ITPRID1: variants seen among roughly 807,000 people sequenced by gnomAD.
The protein encoded by ITPRID1 is ITPR interacting domain containing 1, also known as protein ITPRID1.
Under a neutral mutation model 95.4 loss-of-function variants are expected in ITPRID1, and 96 were observed. The ratio of observed to expected loss-of-function variants is 1.01; its 90% confidence interval spans 0.85 to 1.19. The LOEUF (loss-of-function observed/expected upper bound fraction) is 1.19. Ranked by LOEUF, ITPRID1 falls within the 50% of genes most tolerant of loss-of-function variation. The pLI, the probability that ITPRID1 is intolerant of heterozygous loss-of-function variation, is 0.00. For missense variants in ITPRID1, 1,339 were observed against 1,252.9 expected, an observed-to-expected ratio of 1.07 and a Z score of -1.04; for synonymous variants, 510 against 453.6, an observed-to-expected ratio of 1.12 and a Z score of -1.58.
intron 12 of ITPRID1, among the ~76,000 whole-genome samples, chr7:31,646,226 A>G (rs980793425): frequency 1.3e-5 from 2 of 152,202 alleles, no homozygotes; most frequent in African/African-American, 4.8e-5. Flanking sequence ...TTAATCCATC[A>G]GGCAAACCAC....
intron 5 of ITPRID1, among the ~76,000 whole-genome samples, chr7:31,568,571 T>G (rs920528318): frequency 1.4e-4 from 21 of 152,196 alleles, no homozygotes; most frequent in African/African-American, 5.1e-4. Context: ...CTGAGGAATT[T>G]GCCCATATTC....
intron 10 of ITPRID1, among the ~76,000 whole-genome samples, chr7:31,613,778 G>T (rs918098782): frequency 6.6e-6 from 1 of 152,098 alleles, no homozygotes; most frequent in Non-Finnish European, 1.5e-5. Flanking sequence ...TTGCAAGGTG[G>T]CTTCTCAGCA....
chr7:31,595,593 A>C (rs1161167567), intron 10 of ITPRID1, among the ~76,000 whole-genome samples: 1 of 152,196 alleles, frequency 6.6e-6, no homozygotes, highest in East Asian at 1.9e-4. Flanking sequence ...TTTTATGTAA[A>C]ATTGGAGAGT....
intron 5 of ITPRID1, among the ~76,000 whole-genome samples, chr7:31,558,731 G>GTCTGA (rs1784533551): frequency 6.6e-6 from 1 of 152,124 alleles, no homozygotes; most frequent in Non-Finnish European, 1.5e-5. Context: ...ATTCAAGTCT[G>GTCTGA]TCTGATTTCA....
In ITPRID1 at chr7:31,553,142, C is replaced by A; in HGVS notation, c.118C>A (p.Pro40Thr). The A allele has an allele frequency of 6.3e-7, 1 of 1,592,424 alleles. No homozygotes were observed. The highest frequency in any genetic ancestry group is 1.1e-5 in the South Asian group (1 of 87,630). Residue 40 changes from proline (P) to threonine (T), a missense_variant, in exon 3 of 15, where the codon CCT (proline) becomes ACT (threonine). Physicochemically the swap from Pro to Thr is conservative, Grantham distance 38. Coordinates refer to ENST00000615280, the MANE Select transcript of ITPRID1 (RefSeq NM_001257967.3). ...GGCTCCGCTGGATGAGTGGCTGCCC[C>A]CTGACCCTGAGGAGGAAAGCCAGAG... is the stretch of plus-strand genomic sequence containing the variant. ...AWAPLDEWLP[P>T]DPEEESQSLT...
At position 31,578,442 on chromosome 7, in the gene ITPRID1, C is replaced by A; in HGVS notation, c.1170+8C>A. The A allele has an allele frequency of 6.4e-7, 1 of 1,569,806 alleles. No homozygotes were observed. The highest frequency in any genetic ancestry group is 8.6e-7 in the Non-Finnish European group (1 of 1,157,572). On this transcript the variant is annotated splice_region_variant and intron_variant, in intron 9 of 14. Coordinates refer to ENST00000615280, the MANE Select transcript of ITPRID1 (RefSeq NM_001257967.3). Reference sequence around the variant, plus strand: ...TCATTTGAAATGGAAGAGGTCAGTGCTGCACCAACGTACCAGCCTCCTAAG... The same window carrying A: ...TCATTTGAAATGGAAGAGGTCAGTGATGCACCAACGTACCAGCCTCCTAAG...
chr7:31,602,558 A>G (rs893085103), intron 10 of ITPRID1, among the ~76,000 whole-genome samples: 9 of 152,206 alleles, frequency 5.9e-5, no homozygotes, highest in African/African-American at 2.2e-4. Context: ...ATTAGTTCCC[A>G]GTAGGACACC....
At chr7:31,556,934 A>C (rs563052817) in intron 5 of ITPRID1, among the ~76,000 whole-genome samples, 1 of 152,112 alleles carries the variant, frequency 6.6e-6, no homozygotes, top group East Asian at 2.0e-4. Context: ...TGAAGGTTCT[A>C]GGGAAGAATC....
chr7:31,610,889 A>T (rs1171400963), intron 10 of ITPRID1, among the ~76,000 whole-genome samples: 7 of 151,378 alleles, frequency 4.6e-5, no homozygotes, highest in African/African-American at 1.5e-4. Context: ...ATGTAGTTAG[A>T]TTATGTTTTA....
At chr7:31,607,192 C>T (rs1278980668) in intron 10 of ITPRID1, among the ~76,000 whole-genome samples, 2 of 152,078 alleles carry the variant, frequency 1.3e-5, no homozygotes, top group Non-Finnish European at 2.9e-5. Context: ...ACCTGCAAGA[C>T]GGTTGTTCTT....
intron 10 of ITPRID1, among the ~76,000 whole-genome samples, chr7:31,603,856 A>G (rs1240080076): frequency 1.3e-5 from 2 of 151,904 alleles, no homozygotes; most frequent in African/African-American, 4.8e-5. Flanking sequence ...CCTTTTTCAT[A>G]TGTCAAAAGT....
At chr7:31,612,968 A>AACAT (rs1320631033) in intron 10 of ITPRID1, among the ~76,000 whole-genome samples, 1 of 152,176 alleles carries the variant, frequency 6.6e-6, no homozygotes, top group Non-Finnish European at 1.5e-5. Flanking sequence ...CATTGTTTTA[A>AACAT]ACATACACCC....
chr7:31,534,015 G>T (rs765492396), intron 1 of ITPRID1, among the ~76,000 whole-genome samples: 5 of 152,126 alleles, frequency 3.3e-5, no homozygotes, highest in Non-Finnish European at 7.4e-5. Flanking sequence ...ATCAGCCATG[G>T]TATTAGATCC....
At chr7:31,547,367 G>A (rs1054652434) in intron 1 of ITPRID1, among the ~76,000 whole-genome samples, 2 of 152,208 alleles carry the variant, frequency 1.3e-5, no homozygotes, top group Admixed American at 6.5e-5. Flanking sequence ...CAGGGCTGGG[G>A]AGGCCTCAGG....
chr7:31,641,221 A>G (rs1381133395), intron 10 of ITPRID1, among the ~76,000 whole-genome samples: 5 of 152,206 alleles, frequency 3.3e-5, no homozygotes, highest in African/African-American at 1.2e-4. Context: ...ACTCTTCGTC[A>G]GCAGTTGTTC....
At chr7:31,616,924 G>T (rs1416657565) in intron 10 of ITPRID1, among the ~76,000 whole-genome samples, 4 of 152,044 alleles carry the variant, frequency 2.6e-5, no homozygotes, top group African/African-American at 9.7e-5. Flanking sequence ...TGTGGGAATG[G>T]TATGGTTGTC....
chr7:31,546,397 TTGTGTG>T (rs141172213), intron 1 of ITPRID1, among the ~76,000 whole-genome samples: 2 of 148,890 alleles, frequency 1.3e-5, no homozygotes, highest in African/African-American at 2.5e-5. Flanking sequence ...CAGAGAAATA[TTGTGTG>T]TGTGTGTGTG....
chr7:31,638,175 T>G (rs1355652967), intron 10 of ITPRID1, among the ~76,000 whole-genome samples: 2 of 152,110 alleles, frequency 1.3e-5, no homozygotes, highest in Non-Finnish European at 2.9e-5. Context: ...TACCCACAGT[T>G]GATATAAGGA....
intron 5 of ITPRID1, among the ~76,000 whole-genome samples, chr7:31,565,520 G>T (rs1216848935): frequency 6.6e-6 from 1 of 152,166 alleles, no homozygotes; most frequent in East Asian, 1.9e-4. Context: ...CAGAGAGCTT[G>T]AGGTCAGGAG....
Sources: gnomAD v4.1 joint callset for allele counts (sites outside exome capture counted in the v4.1 genomes callset) on GRCh38, gnomAD v4.1.1 for gene constraint, MANE v1.5 for transcripts, NCBI Gene and HGNC (gene_info 2026-07-23, HGNC 2026-07-21) for gene names.